Variants in HPSE2 observed in about 807,000 individuals in gnomAD.
HPSE2 encodes the protein inactive heparanase-2.
A neutral mutation model predicts 60.5 loss-of-function variants in HPSE2; 38 were observed. That is an observed-to-expected ratio of 0.63 (90% confidence interval 0.48 to 0.82). The LOEUF is 0.82. Ranked by LOEUF, HPSE2 falls within the 40% of genes least tolerant of loss-of-function variation. The pLI, the probability that HPSE2 is intolerant of heterozygous loss-of-function variation, is 0.00. For synonymous variants in HPSE2, 295 were observed against 293.2 expected (o/e 1.01, Z -0.06); for missense variants, 713 against 740.4 (o/e 0.96, Z 0.43).
At chr10:99,244,404 T>C in the HPSE2 span, among the ~76,000 whole-genome samples, 1 of 144,354 alleles carries the variant, frequency 6.9e-6, no homozygotes, top group South Asian at 2.2e-4. Context: ...ATTATTATTA[T>C]TATTATTATT....
At chr10:99,268,589 T>C in the HPSE2 span, among the ~76,000 whole-genome samples, 1 of 145,656 alleles carries the variant, frequency 6.9e-6, no homozygotes, top group Admixed American at 7.1e-5. Context: ...GAGGTTGCAG[T>C]GAGCCGAGAT....
chr10:99,220,296 C>T (rs1012887002), intron 2 of HPSE2, among the ~76,000 whole-genome samples: 29 of 151,772 alleles, frequency 1.9e-4, no homozygotes, highest in Non-Finnish European at 4.4e-5. Flanking sequence ...AAAAAAAGTA[C>T]CAATGAAAGA....
At chr10:98,808,479 T>C (rs918254931) in intron 3 of HPSE2, among the ~76,000 whole-genome samples, 1 of 152,204 alleles carries the variant, frequency 6.6e-6, no homozygotes, top group Non-Finnish European at 1.5e-5. Context: ...GCATATAACA[T>C]TTAATCAAGA....
intron 3 of HPSE2, among the ~76,000 whole-genome samples, chr10:98,998,941 G>A (rs1355858068): frequency 2.6e-5 from 4 of 152,192 alleles, no homozygotes; most frequent in African/African-American, 7.2e-5. Flanking sequence ...GGCAAGCCAA[G>A]TTAGAGATGG....
rs560729568 is a variant in HPSE2, at chr10:98,942,995, G to A, written c.611-198939C>T. On this transcript the variant is annotated intron_variant, in intron 3 of 11. Coordinates refer to ENST00000370552, the MANE Select transcript of HPSE2 (RefSeq NM_021828.5). ...CTATCGCAAGGACAAAAAACCAAACGCTGCATGTTCTCACTCATAGGTGGG... is the reference window on the plus strand; with the variant it reads ...CTATCGCAAGGACAAAAAACCAAACACTGCATGTTCTCACTCATAGGTGGG... Among the ~76,000 whole-genome samples the A allele has an allele frequency of 6.8e-5, 10 of 147,862 alleles. No individual in the cohort carries two copies. The East Asian group carries it at 1.2e-3, about 18-fold the overall frequency.
At chr10:98,468,237 G>A (rs1210559671) in intron 11 of HPSE2, among the ~76,000 whole-genome samples, 1 of 152,182 alleles carries the variant, frequency 6.6e-6, no homozygotes, top group African/African-American at 2.4e-5. Flanking sequence ...AAGTTCGTCT[G>A]AAATTGCCTT....
chr10:98,615,487 C>A (rs1945882327), intron 8 of HPSE2, among the ~76,000 whole-genome samples: 1 of 152,174 alleles, frequency 6.6e-6, no homozygotes, highest in African/African-American at 2.4e-5. Context: ...CTCCTATGAC[C>A]TATGCAAATA....
At chr10:98,765,002 C>G (rs114561304) in intron 3 of HPSE2, among the ~76,000 whole-genome samples, 498 of 152,228 alleles carry the variant, frequency 3.3e-3, no homozygotes, top group African/African-American at 0.011. Flanking sequence ...CCTAAAAGTA[C>G]ATGTACCTAA....
intron 3 of HPSE2, among the ~76,000 whole-genome samples, chr10:98,810,312 G>A (rs1277009805): frequency 1.3e-5 from 2 of 151,872 alleles, no homozygotes; most frequent in Non-Finnish European, 2.9e-5. Flanking sequence ...ATACAATTTA[G>A]GGAGCCTACA....
At chr10:99,223,405 T>C (rs1270460683) in intron 2 of HPSE2, among the ~76,000 whole-genome samples, 2 of 152,182 alleles carry the variant, frequency 1.3e-5, no homozygotes, top group Non-Finnish European at 2.9e-5. Context: ...TAAGAGATAA[T>C]GTCCCAAATC....
At chr10:98,967,403 C>A (rs1169096136) in intron 3 of HPSE2, among the ~76,000 whole-genome samples, 1 of 152,204 alleles carries the variant, frequency 6.6e-6, no homozygotes, top group East Asian at 1.9e-4. Flanking sequence ...TCAGCTATTT[C>A]AATGTGAACT....
the HPSE2 span, among the ~76,000 whole-genome samples, chr10:99,285,744 G>A: frequency 2.6e-5 from 4 of 152,086 alleles, no homozygotes; most frequent in Non-Finnish European, 4.4e-5. Flanking sequence ...GGGCAACATG[G>A]TGAGATCCCG....
At chr10:99,047,230 C>T (rs983239103) in intron 3 of HPSE2, among the ~76,000 whole-genome samples, 12 of 152,142 alleles carry the variant, frequency 7.9e-5, no homozygotes, top group Admixed American at 4.6e-4. Context: ...GAAAGGAACT[C>T]CTATTTGATT....
chr10:98,771,116 T>C (rs887190352), intron 3 of HPSE2, among the ~76,000 whole-genome samples: 1 of 152,066 alleles, frequency 6.6e-6, no homozygotes, highest in Non-Finnish European at 1.5e-5. Context: ...AACAAGTAAC[T>C]AATGGCTAAA....
chr10:99,073,953 T>C (rs1234668089), intron 3 of HPSE2, among the ~76,000 whole-genome samples: 1 of 151,728 alleles, frequency 6.6e-6, no homozygotes, highest in African/African-American at 2.4e-5. Context: ...TTTTTTTTTT[T>C]TTTTGGTGGA....
chr10:99,258,334 CCTGAAAA>C, the HPSE2 span, among the ~76,000 whole-genome samples: 1 of 151,560 alleles, frequency 6.6e-6, no homozygotes, highest in Non-Finnish European at 1.5e-5. Flanking sequence ...ATGTGCAAGA[CCTGAAAA>C]CTATAAAACA....
At chr10:98,633,927 T>C (rs1015607881) in intron 7 of HPSE2, among the ~76,000 whole-genome samples, 2 of 152,314 alleles carry the variant, frequency 1.3e-5, no homozygotes, top group South Asian at 2.1e-4. Context: ...ATCATCCTAA[T>C]GTAGAATGAA....
chr10:99,045,928 A>G (rs1957844819), intron 3 of HPSE2, among the ~76,000 whole-genome samples: 1 of 152,114 alleles, frequency 6.6e-6, no homozygotes, highest in African/African-American at 2.4e-5. Context: ...ACTGGTAGCA[A>G]TCCTACTGAA....
rs370162591 is a variant in HPSE2 at position 98,574,457 on chromosome 10, A to G, written c.1320+40447T>C. Among the ~76,000 whole-genome samples the G allele has an allele frequency of 7.2e-5, 11 of 152,346 alleles. No homozygotes were observed. The South Asian group carries it at 2.3e-3, about 32-fold the overall frequency. On this transcript the variant is annotated intron_variant, in intron 9 of 11. Transcript: ENST00000370552. ...TCATGCATTACTTCTGTAATTAAAA[A>G]TTAATTCAAAAGAGAACAGTAGAAG...
Sources: allele counts gnomAD v4.1 joint callset (sites outside exome capture counted in the v4.1 genomes callset), GRCh38; gene constraint gnomAD v4.1.1; transcripts MANE v1.5; gene names NCBI Gene and HGNC (gene_info 2026-07-23, HGNC 2026-07-21).